NFKBID: variants seen among roughly 807,000 people sequenced by gnomAD.
The protein encoded by NFKBID is NFKB inhibitor delta.
NFKBID carries 26 observed loss-of-function variants against 53.4 expected under a neutral mutation model. The observed-to-expected ratio is 0.49, with a 90% CI of 0.36 to 0.68. The LOEUF (loss-of-function observed/expected upper bound fraction) is 0.68. NFKBID is among the 30% of genes least tolerant of loss of function. NFKBID has a pLI of 0.00. For synonymous variants in NFKBID, 262 were observed against 259.8 expected (o/e 1.01, Z -0.08); for missense variants, 493 against 614.1 (o/e 0.80, Z 2.08).
rs1975122638 is a variant in NFKBID at position 35,896,086 on chromosome 19, G to A, written c.926C>T (p.Ala309Val). 6.2e-7 allele frequency: 1 copy of A among 1,614,192 alleles called. No homozygotes were observed. The highest frequency in any genetic ancestry group is 8.5e-7 in the Non-Finnish European group (1 of 1,179,998). The change falls in exon 9 of 12, where the codon GCT becomes GTT. Residue 309 changes from alanine to valine, a missense_variant. By Grantham distance (64) the Ala-to-Val change is moderately conservative (BLOSUM62 0). Coordinates refer to ENST00000641389, the Ensembl canonical transcript of NFKBID. The surrounding 1 kb of genome is among the most constrained non-coding windows in gnomAD (Gnocchi z 5.7). Reference sequence around the variant, plus strand: ...GGGACAGAGGTCGGAAGGGCGCATAGCAACGTTAAGGGCCAGGATGGCCGT... The same window carrying A: ...GGGACAGAGGTCGGAAGGGCGCATAACAACGTTAAGGGCCAGGATGGCCGT...
intron 9 of NFKBID, among the ~76,000 whole-genome samples, chr19:35,890,847 G>A (rs150751227): frequency 1.3e-5 from 2 of 151,164 alleles, no homozygotes; most frequent in African/African-American, 4.9e-5. Context: ...ATGGGTGACA[G>A]AGTGACACTC....
rs1975117562 is a variant in NFKBID at position 35,896,049 on chromosome 19, G to T, written c.963C>A (p.Ser321Arg). Residue 321 changes from serine to arginine, a missense_variant, in exon 9 of 12, where the codon AGC (serine) becomes AGA (arginine). Physicochemically the swap from Ser to Arg is moderately radical, Grantham distance 110. Around this residue, in one of 2 missense-constraint regions of NFKBID, gnomAD observed 267 missense variants for 384.6 expected, o/e 0.69. Transcript: ENST00000641389. This position sits in a 1 kb window ranked among gnomAD's most constrained non-coding sequence, Gnocchi z 5.7. ...AATCCAGCCTGTCTCGGGCCTGTGTGCTCAGCACCCGGGGACAGAGGTCGG... is the reference window on the plus strand; with the variant it reads ...AATCCAGCCTGTCTCGGGCCTGTGTTCTCAGCACCCGGGGACAGAGGTCGG... 2 of 1,614,184 alleles carry T rather than the reference G, an allele frequency of 1.2e-6. No homozygotes were observed. The highest frequency in any genetic ancestry group is 1.7e-6 in the Non-Finnish European group (2 of 1,179,996).
At position 35,895,961 on chromosome 19, in the gene NFKBID, C is replaced by A. The variant is rs767327419; in HGVS notation, c.1032+19G>T. ...TCCACACAATCTCCCAGGGTCTGAC[C>A]GCCCACATCCCCGCTCACCTGGCTG... On this transcript the variant is annotated intron_variant, in intron 9 of 11. Coordinates refer to ENST00000641389, the Ensembl canonical transcript of NFKBID. The A allele has an allele frequency of 1.2e-6, 2 of 1,604,852 alleles. No homozygotes were observed. The highest frequency in any genetic ancestry group is 1.3e-5 in the African/African-American group (1 of 74,802).
intron 9 of NFKBID, 151 bp downstream of exon 9, chr19:35,895,829 A>G: frequency 1.5e-6 from 1 of 681,794 alleles, no homozygotes; most frequent in South Asian, 1.9e-5. Flanking sequence ...AACAAACAAA[A>G]AACCCCTAAG....
At position 35,896,673 on chromosome 19, in the gene NFKBID, C is replaced by G; in HGVS notation, c.684+53G>C. 1 of 1,566,990 alleles carries G rather than the reference C, an allele frequency of 6.4e-7. No individual in the cohort carries two copies. The highest frequency in any genetic ancestry group is 1.1e-5 in the South Asian group (1 of 89,610). Reference sequence around the variant, plus strand: ...CTTCTCTAGGATCCAGGGGTCCAGGCCCCAGGCTCCTTCCTCCCCTGAACC... The same window carrying G: ...CTTCTCTAGGATCCAGGGGTCCAGGGCCCAGGCTCCTTCCTCCCCTGAACC... On this transcript the variant is annotated intron_variant, in intron 6 of 11. Coordinates refer to ENST00000641389, the Ensembl canonical transcript of NFKBID. The surrounding 1 kb of genome is among the most constrained non-coding windows in gnomAD (Gnocchi z 5.7).
chr19:35,890,333 C>T (rs377714362), intron 10 of NFKBID, 41 bp downstream of exon 10: 813 of 1,403,730 alleles, frequency 5.8e-4, no homozygotes, highest in Non-Finnish European at 7.8e-4. Flanking sequence ...CCCCCCCTAC[C>T]GTACCCCACA....
chr19:35,896,948 T>G lies in NFKBID; in HGVS notation c.543A>C (p.Pro181=), dbSNP rs1198538174. 1.9e-6 allele frequency: 3 copies of G among 1,607,662 alleles called. No individual in the cohort carries two copies. The highest frequency in any genetic ancestry group is 1.7e-4 in the Middle Eastern group (1 of 6,032). ...CCTCATCCTGGGCCAGCAGCTGCTGTGGCCCCAAAGCCAGCATGTGAGCTC... is the reference window on the plus strand; with the variant it reads ...CCTCATCCTGGGCCAGCAGCTGCTGGGGCCCCAAAGCCAGCATGTGAGCTC... The change falls in exon 5 of 12, where the codon CCA becomes CCC. Residue 181 remains proline, a synonymous_variant. Coordinates refer to ENST00000641389, the Ensembl canonical transcript of NFKBID. The surrounding 1 kb of genome is among the most constrained non-coding windows in gnomAD (Gnocchi z 5.7).
chr19:35,890,514 G>A (rs746293688), intron 9 of NFKBID, 24 bp from the exon 10 acceptor site: 3 of 1,525,668 alleles, frequency 2.0e-6, no homozygotes, highest in Non-Finnish European at 2.7e-6. Flanking sequence ...AATGGCAGAG[G>A]TCAGGGCCAG....
rs1384232634 is a variant in NFKBID at position 35,890,576 on chromosome 19, A to G, written c.1033-86T>C. The G allele has an allele frequency of 4.3e-6, 4 of 928,528 alleles. No homozygotes were observed. In the African/African-American group the frequency reaches 6.5e-5, roughly 15 times the overall value. 57.5% of individuals were successfully genotyped at this position (928,528 alleles called of 1,614,324 possible). On this transcript the variant is annotated intron_variant, in intron 9 of 11. Coordinates refer to ENST00000641389, the Ensembl canonical transcript of NFKBID. ...AATCCAGGAGTCTTTAAAGACCCTG[A>G]CCCTTGGCGGAGTGCGGTGGTTCAC...
At chr19:35,897,017 T>G (rs765328830) in exon 5 of NFKBID, 4 of 1,606,446 alleles carry the variant, frequency 2.5e-6, no homozygotes, top group Non-Finnish European at 3.4e-6. Context: ...CGGGGAACTG[T>G]GGGGGTCCTG....
intron 4 of NFKBID, chr19:35,897,390 G>C: frequency 1.8e-6 from 1 of 567,294 alleles, no homozygotes; most frequent in Non-Finnish European, 3.1e-6. Flanking sequence ...GAGTAGCTAG[G>C]ATTACAGGCG....
intron 9 of NFKBID, among the ~76,000 whole-genome samples, chr19:35,894,729 C>T (rs1975009415): frequency 1.3e-5 from 2 of 152,070 alleles, no homozygotes; most frequent in South Asian, 4.1e-4. Flanking sequence ...TGCAGTGGCT[C>T]ACGCTTGCAA....
chr19:35,898,941 G>A, intron 1 of NFKBID, 119 bp from the exon 2 acceptor site: 1 of 686,312 alleles, frequency 1.5e-6, no homozygotes, highest in South Asian at 1.7e-5. Flanking sequence ...CGGAAAAACT[G>A]GCACATAGAT....
intron 1 of NFKBID, among the ~76,000 whole-genome samples, chr19:35,899,350 G>A (rs7252902): frequency 1.3e-5 from 2 of 151,890 alleles, no homozygotes; most frequent in East Asian, 1.9e-4. Flanking sequence ...GAGGCCAAGG[G>A]GGGCGGATCA....
At chr19:35,892,963 G>A (rs534730460) in intron 9 of NFKBID, among the ~76,000 whole-genome samples, 7 of 152,128 alleles carry the variant, frequency 4.6e-5, no homozygotes, top group African/African-American at 1.4e-4. Context: ...CCAGGAGTTC[G>A]AGACCAGCCT....
intron 9 of NFKBID, among the ~76,000 whole-genome samples, chr19:35,891,466 AATT>A (rs1214815814): frequency 2.6e-5 from 4 of 152,208 alleles, no homozygotes; most frequent in African/African-American, 9.6e-5. Flanking sequence ...TAATGAAAAA[AATT>A]ATCATTTTAC....
chr19:35,901,098 G>A (rs1455356570), upstream of NFKBID, among the ~76,000 whole-genome samples: 1 of 152,032 alleles, frequency 6.6e-6, no homozygotes, highest in Non-Finnish European at 1.5e-5. Flanking sequence ...CTCCCAAAGT[G>A]CTGGGATTAC....
chr19:35,898,350 G>GAA (rs575018690), intron 3 of NFKBID, 122 bp downstream of exon 3: 1,878 of 597,172 alleles, frequency 3.1e-3, no homozygotes, highest in East Asian at 4.5e-3. Flanking sequence ...TCCTGTCTCA[G>GAA]AAAAAAAAAA....
At chr19:35,890,533 C>G in intron 9 of NFKBID, 43 bp from the exon 10 acceptor site, 1 of 1,328,308 alleles carries the variant, frequency 7.5e-7, no homozygotes, top group Non-Finnish European at 1.1e-6. Context: ...AGCCTCACAC[C>G]TAGGTGCCCT....
Sources: gnomAD v4.1 joint callset for allele counts (sites outside exome capture counted in the v4.1 genomes callset) on GRCh38, gnomAD v4.1.1 for gene constraint, gnomAD v4.1.1 regional missense constraint, Gnocchi (gnomAD v3.1) non-coding constraint, MANE v1.5 for transcripts, NCBI Gene and HGNC (gene_info 2026-07-23, HGNC 2026-07-21) for gene names.